Variants in CDH1 observed in about 807,000 individuals in gnomAD.
CDH1 encodes cadherin 1.
In CDH1, 35 loss-of-function variants were observed where a neutral mutation model predicts 84.5. The observed-to-expected ratio is 0.41, with a 90% CI of 0.32 to 0.55. CDH1 has a LOEUF of 0.55. Ranked by LOEUF, CDH1 falls within the 20% of genes least tolerant of loss-of-function variation. CDH1 has a pLI of 0.19. For missense variants in CDH1, 994 were observed against 1,126.6 expected (o/e 0.88, Z 1.68); for synonymous variants, 417 against 439.0 (o/e 0.95, Z 0.63).
intron 2 of CDH1, among the ~76,000 whole-genome samples, chr16:68,743,602 G>C (rs2152115855): frequency 6.6e-6 from 1 of 152,050 alleles, no homozygotes; most frequent in South Asian, 2.1e-4. Flanking sequence ...TGAGCTCAAA[G>C]TGGTCTACCT....
At chr16:68,772,456 T>C (rs143717120) in intron 2 of CDH1, among the ~76,000 whole-genome samples, 17 of 152,330 alleles carry the variant, frequency 1.1e-4, no homozygotes, top group African/African-American at 3.4e-4. Context: ...GCATCTTTTA[T>C]GCACCAGGCT....
chr16:68,773,728 G>A (rs1243575622), intron 2 of CDH1, among the ~76,000 whole-genome samples: 1 of 152,226 alleles, frequency 6.6e-6, no homozygotes, highest in Non-Finnish European at 1.5e-5. Context: ...GAGAGGTAAA[G>A]TGACTAGTCC....
At chr16:68,829,837 C>G (rs2152142542) in intron 15 of CDH1, 40 bp downstream of exon 15, 1 of 1,599,894 alleles carries the variant, frequency 6.3e-7, no homozygotes, top group Non-Finnish European at 8.6e-7. Flanking sequence ...TGGCTCATCT[C>G]TAAGCTCAGG....
Position 68,790,249 on chromosome 16 carries a change from C to T in CDH1, c.164-11421C>T, listed in dbSNP as rs142226012. On this transcript the variant is annotated intron_variant, in intron 2 of 15. Transcript: ENST00000261769. ...GGCCTGTCAGCTGCCCTTTCCTGCA[C>T]GGGGCATCAGGGAGAGAGAGGAGGA... Among the ~76,000 whole-genome samples the T allele has an allele frequency of 1.3e-4, 20 of 152,206 alleles. No individual in the cohort carries two copies. The East Asian group carries it at 2.9e-3, about 22-fold the overall frequency.
At chr16:68,737,600 T>C (rs990926449) in intron 1 of CDH1, 137 bp downstream of exon 1, 5 of 818,068 alleles carry the variant, frequency 6.1e-6, no homozygotes, top group African/African-American at 1.8e-5. Flanking sequence ...CGGAGCGGCC[T>C]GGAAGCCTCG....
intron 15 of CDH1, 151 bp from the exon 16 acceptor site, chr16:68,833,139 G>A (rs1425332660): frequency 4.3e-6 from 3 of 692,496 alleles, no homozygotes; most frequent in Admixed American, 4.2e-5. Context: ...ATGACAGTGT[G>A]TATAAATGTA....
intron 2 of CDH1, among the ~76,000 whole-genome samples, chr16:68,749,320 A>T (rs1962828786): frequency 6.6e-6 from 1 of 152,206 alleles, no homozygotes; most frequent in African/African-American, 2.4e-5. Flanking sequence ...TGTCTGAAGG[A>T]CACAGAGGTG....
chr16:68,815,834 T>G, intron 10 of CDH1, 75 bp downstream of exon 10: 1 of 1,518,950 alleles, frequency 6.6e-7, no homozygotes, highest in Non-Finnish European at 9.1e-7. Context: ...ATCAATAATA[T>G]GTACTTCATG....
At chr16:68,743,845 T>G (rs774180810) in intron 2 of CDH1, among the ~76,000 whole-genome samples, 1 of 152,234 alleles carries the variant, frequency 6.6e-6, no homozygotes, top group Admixed American at 6.5e-5. Flanking sequence ...TTTACTTCTA[T>G]GAGTCTCAGT....
intron 2 of CDH1, among the ~76,000 whole-genome samples, chr16:68,762,124 T>C (rs530688056): frequency 9.4e-4 from 143 of 152,288 alleles, no homozygotes; most frequent in African/African-American, 3.2e-3. Context: ...GGTGGGGCCA[T>C]GGACTCCCAT....
chr16:68,789,251 C>T (rs1175706877), intron 2 of CDH1, among the ~76,000 whole-genome samples: 2 of 151,934 alleles, frequency 1.3e-5, no homozygotes, highest in Non-Finnish European at 2.9e-5. Context: ...CTGGTCTTGA[C>T]GGGACTTGGA....
At chr16:68,808,054 T>C (rs540717650) in intron 3 of CDH1, among the ~76,000 whole-genome samples, 3 of 152,310 alleles carry the variant, frequency 2.0e-5, no homozygotes, top group Middle Eastern at 3.4e-3. Context: ...GCCTCAGTGA[T>C]AGAGCCAGAT....
At chr16:68,746,537 G>A (rs936695270) in intron 2 of CDH1, among the ~76,000 whole-genome samples, 2 of 152,240 alleles carry the variant, frequency 1.3e-5, no homozygotes, top group African/African-American at 2.4e-5. Context: ...CAGCCAGGAT[G>A]TGGGCACCTG....
chr16:68,759,487 C>CTTTTTTTTTTTTTTT (rs141278700), intron 2 of CDH1, among the ~76,000 whole-genome samples: 2 of 136,126 alleles, frequency 1.5e-5, no homozygotes, highest in Non-Finnish European at 3.2e-5. Context: ...TCTTTTCTTT[C>CTTTTTTTTTTTTTTT]TTTTTTTTTT....
chr16:68,829,432 G>A (rs1180065347), intron 14 of CDH1, among the ~76,000 whole-genome samples: 1 of 151,820 alleles, frequency 6.6e-6, no homozygotes, highest in Non-Finnish European at 1.5e-5. Context: ...GCCTATATCT[G>A]GATCCACACA....
At chr16:68,743,175 A>G (rs1756263341) in intron 2 of CDH1, among the ~76,000 whole-genome samples, 1 of 152,036 alleles carries the variant, frequency 6.6e-6, no homozygotes, top group South Asian at 2.1e-4. Context: ...TTCCCTTCCA[A>G]GGTAGCCCCA....
rs61747633 is a variant in CDH1, at chr16:68,815,550, A to G, written c.1356A>G (p.Leu452=). 2 of 1,614,212 alleles carry G rather than the reference A, an allele frequency of 1.2e-6. No homozygotes were observed. The highest frequency in any genetic ancestry group is 1.7e-6 in the Non-Finnish European group (2 of 1,180,026). ...TTGAGGCCAAGCAGCAGTACATTCT[A>G]CACGTAGCAGTGACGAATGTGGTAC... ...LDFEAKQQYI[L]HVAVTNVVPF... The change falls in exon 10 of 16, where the codon CTA becomes CTG. Residue 452 remains leucine (L), a synonymous_variant. Coordinates refer to ENST00000261769, the MANE Select transcript of CDH1 (RefSeq NM_004360.5).
At chr16:68,794,852 A>AT (rs10716052) in intron 2 of CDH1, among the ~76,000 whole-genome samples, 8,131 of 144,564 alleles carry the variant, frequency 0.056, 248 homozygotes, top group African/African-American at 0.08. Context: ...ATGCCCAGCT[A>AT]TTTTTTTTTT....
chr16:68,757,767 C>CTCCTTCCT (rs58548890), intron 2 of CDH1, among the ~76,000 whole-genome samples: 11 of 147,918 alleles, frequency 7.4e-5, no homozygotes, highest in South Asian at 2.2e-4. Flanking sequence ...TTCTCTCTCT[C>CTCCTTCCT]TCCTTCCTTC....
Sources: gnomAD v4.1 joint callset for allele counts (sites outside exome capture counted in the v4.1 genomes callset) on GRCh38, gnomAD v4.1.1 for gene constraint, MANE v1.5 for transcripts, NCBI Gene and HGNC (gene_info 2026-07-23, HGNC 2026-07-21) for gene names.